The following DPP6 variants were observed in gnomAD, a reference collection of about 807,000 sequenced individuals.
DPP6 encodes the protein dipeptidyl peptidase like 6.
DPP6 carries 69 observed loss-of-function variants against 122.6 expected under a neutral mutation model. The ratio of observed to expected loss-of-function variants is 0.56; its 90% CI spans 0.46 to 0.69. The LOEUF is 0.69. DPP6 is among the 30% of genes least tolerant of loss of function. The probability of loss-of-function intolerance (pLI) is 0.00; values close to 1 mark genes in which losing one functional copy is unlikely to be tolerated. For synonymous variants in DPP6, 418 were observed against 433.1 expected (o/e 0.97, Z 0.43); for missense variants, 928 against 1,116.9 (o/e 0.83, Z 2.41).
chr7:154,638,041 A>G (rs1835840516), intron 6 of DPP6, among the ~76,000 whole-genome samples, 168 bp downstream of exon 6: 1 of 152,124 alleles, frequency 6.6e-6, no homozygotes, highest in Admixed American at 6.5e-5. Flanking sequence ...TAATGACACT[A>G]AGGATGTCAG....
At chr7:153,748,378 A>G in the DPP6 span, among the ~76,000 whole-genome samples, 1 of 143,588 alleles carries the variant, frequency 7.0e-6, no homozygotes, top group Non-Finnish European at 1.5e-5. Context: ...GGGGTGCCGG[A>G]GTCCGCACTG....
intron 6 of DPP6, among the ~76,000 whole-genome samples, chr7:154,664,759 A>T (rs1250735077): frequency 6.6e-6 from 1 of 151,936 alleles, no homozygotes; most frequent in African/African-American, 2.4e-5. Context: ...AGCCAATGAG[A>T]TATAAGCTAT....
chr7:154,234,728 C>T (rs965042795), intron 1 of DPP6, among the ~76,000 whole-genome samples: 2 of 152,174 alleles, frequency 1.3e-5, no homozygotes, highest in South Asian at 2.1e-4. Flanking sequence ...GAAATGAGCT[C>T]ATCTGGACTT....
chr7:154,574,514 TGTG>T (rs1164933807), intron 5 of DPP6, among the ~76,000 whole-genome samples: 3,325 of 138,658 alleles, frequency 0.024, 81 homozygotes, highest in South Asian at 0.11. Flanking sequence ...GTATGTGTGG[TGTG>T]GTGTATATGT....
At chr7:153,919,654 A>T (rs1432713254) in intron 1 of DPP6, among the ~76,000 whole-genome samples, 1 of 152,226 alleles carries the variant, frequency 6.6e-6, no homozygotes, top group African/African-American at 2.4e-5. Context: ...AGTCAGGGGG[A>T]AATAAGAATT....
chr7:154,583,856 A>G (rs1298040790), intron 5 of DPP6, among the ~76,000 whole-genome samples: 2 of 152,176 alleles, frequency 1.3e-5, no homozygotes, highest in South Asian at 2.1e-4. Context: ...CATCCGTTTA[A>G]TCCCACGTTG....
chr7:154,889,585 G>A, intron 25 of DPP6, 55 bp downstream of exon 25: 2 of 1,564,814 alleles, frequency 1.3e-6, no homozygotes, highest in Non-Finnish European at 8.7e-7. Flanking sequence ...TCCTTTCATG[G>A]AGAAAGACCT....
At chr7:154,239,992 T>TAAAAAAAA (rs763543397) in intron 1 of DPP6, among the ~76,000 whole-genome samples, 1 of 50,398 alleles carries the variant, frequency 2.0e-5, no homozygotes, top group African/African-American at 6.0e-5. Flanking sequence ...ATGCTGTCTT[T>TAAAAAAAA]AAAAAAAAAA....
rs117502146 is a variant in DPP6, at chr7:154,470,877, A to C, written c.359-4062A>C. Among the ~76,000 whole-genome samples, 12 of 152,328 alleles carry C rather than the reference A, an allele frequency of 7.9e-5. No homozygotes were observed. The East Asian group carries it at 2.3e-3, about 29-fold the overall frequency. The stretch of plus-strand genomic sequence containing the variant: ...CCACCTTTATGTTGCCTTCCAGTTT[A>C]AGAAGGAAGATTGAGCACAGAAATG... On this transcript the variant is annotated intron_variant, in intron 2 of 25. Coordinates refer to ENST00000377770, the MANE Select transcript of DPP6 (RefSeq NM_130797.4).
intron 1 of DPP6, among the ~76,000 whole-genome samples, chr7:154,042,586 A>G (rs1799819600): frequency 6.6e-6 from 1 of 152,158 alleles, no homozygotes. Context: ...ATGCCAAGAG[A>G]AGTTAGATAT....
chr7:154,587,938 AG>A (rs1832569860), intron 5 of DPP6: 1 of 1,612,832 alleles, frequency 6.2e-7, no homozygotes, highest in African/African-American at 1.3e-5. Context: ...CAATGGCACC[AG>A]GCTTCGCAGC....
intron 1 of DPP6, among the ~76,000 whole-genome samples, chr7:154,283,681 G>A (rs530695469): frequency 3.3e-5 from 5 of 152,312 alleles, no homozygotes; most frequent in African/African-American, 1.2e-4. Flanking sequence ...CTTGTGCATC[G>A]TTGATGATCT....
At chr7:153,876,523 A>G in the DPP6 span, among the ~76,000 whole-genome samples, 1 of 152,084 alleles carries the variant, frequency 6.6e-6, no homozygotes, top group African/African-American at 2.4e-5. Context: ...TACCTCAAAC[A>G]TCTTTAAATA....
chr7:154,300,328 A>C (rs1805824635), intron 1 of DPP6, among the ~76,000 whole-genome samples: 2 of 152,316 alleles, frequency 1.3e-5, no homozygotes, highest in South Asian at 4.1e-4. Context: ...ACTTAGCTGC[A>C]AAATGGAGGT....
chr7:153,904,363 G>T (rs1357040390), intron 1 of DPP6, among the ~76,000 whole-genome samples: 1 of 152,050 alleles, frequency 6.6e-6, no homozygotes, highest in African/African-American at 2.4e-5. Context: ...GTTATTCTTT[G>T]ATTCTCCTGC....
At chr7:154,680,443 G>A (rs1213480723) in intron 7 of DPP6, among the ~76,000 whole-genome samples, 3 of 152,146 alleles carry the variant, frequency 2.0e-5, no homozygotes, top group Non-Finnish European at 4.4e-5. Context: ...GCTAAATCAT[G>A]GAGTATCCAT....
intron 7 of DPP6, among the ~76,000 whole-genome samples, chr7:154,696,355 G>A (rs777560076): frequency 3.3e-5 from 5 of 152,176 alleles, no homozygotes; most frequent in Admixed American, 2.6e-4. Context: ...GACAGGAGTC[G>A]CAGTGAGTTC....
At chr7:154,825,717 A>G (rs1000985096) in intron 16 of DPP6, among the ~76,000 whole-genome samples, 1 of 152,168 alleles carries the variant, frequency 6.6e-6, no homozygotes, top group Non-Finnish European at 1.5e-5. Flanking sequence ...TGTTTCTCCA[A>G]TGTCATTCTT....
At chr7:154,889,661 G>C in intron 25 of DPP6, 131 bp downstream of exon 25, 1 of 1,416,566 alleles carries the variant, frequency 7.1e-7, no homozygotes, top group Non-Finnish European at 9.4e-7. Context: ...TGATGAGCAA[G>C]GTCCCAGCAG....
Sources: gnomAD v4.1 joint callset for allele counts (sites outside exome capture counted in the v4.1 genomes callset) on GRCh38, gnomAD v4.1.1 for gene constraint, MANE v1.5 for transcripts, NCBI Gene and HGNC (gene_info 2026-07-23, HGNC 2026-07-21) for gene names.